HMGCLL1: variants seen among roughly 807,000 people sequenced by gnomAD.
The protein encoded by HMGCLL1 is 3-hydroxy-3-methylglutaryl-CoA lyase like 1, also known as 3-hydroxymethyl-3-methylglutaryl-CoA lyase, cytoplasmic.
A neutral mutation model predicts 39.1 loss-of-function variants in HMGCLL1; 36 were observed. That is an observed-to-expected ratio of 0.92 (90% CI 0.71 to 1.22). The LOEUF (loss-of-function observed/expected upper bound fraction) is 1.22. Ranked by LOEUF, HMGCLL1 falls within the 50% of genes most tolerant of loss-of-function variation. The pLI, the probability that HMGCLL1 is intolerant of heterozygous loss-of-function variation, is 0.00. For missense variants in HMGCLL1, 451 were observed against 416.5 expected (o/e 1.08, Z -0.72); for synonymous variants, 149 against 144.0 (o/e 1.03, Z -0.25).
upstream of HMGCLL1, among the ~76,000 whole-genome samples, chr6:55,581,162 T>A (rs1177944097): frequency 6.6e-6 from 1 of 151,890 alleles, no homozygotes; most frequent in Non-Finnish European, 1.5e-5. Flanking sequence ...TATGATATGA[T>A]CTTCTGCTAC....
At chr6:55,655,059 T>C in the HMGCLL1 span, among the ~76,000 whole-genome samples, 1 of 151,936 alleles carries the variant, frequency 6.6e-6, no homozygotes, top group Non-Finnish European at 1.5e-5. Flanking sequence ...ATTAGCCATA[T>C]TATAAATGTT....
intron 1 of HMGCLL1, among the ~76,000 whole-genome samples, chr6:55,573,485 T>C (rs72988014): frequency 0.086 from 13,039 of 152,198 alleles, 772 homozygotes; most frequent in Non-Finnish European, 0.13. Flanking sequence ...GGCAGAGAAC[T>C]GAAGCCTATC....
At chr6:55,610,775 C>A in the HMGCLL1 span, among the ~76,000 whole-genome samples, 2 of 152,076 alleles carry the variant, frequency 1.3e-5, no homozygotes, top group Non-Finnish European at 2.9e-5. Flanking sequence ...ATTTTAAGGG[C>A]AGCCAAAGAG....
chr6:55,665,189 C>T, the HMGCLL1 span, among the ~76,000 whole-genome samples: 4 of 151,532 alleles, frequency 2.6e-5, no homozygotes, highest in African/African-American at 9.7e-5. Flanking sequence ...ATATGTATCT[C>T]GATAATGCAA....
At chr6:55,608,218 A>C in the HMGCLL1 span, among the ~76,000 whole-genome samples, 1 of 152,306 alleles carries the variant, frequency 6.6e-6, no homozygotes, top group African/African-American at 2.4e-5. Flanking sequence ...CAAAAGTCTC[A>C]TGATGTGTCC....
At chr6:55,501,588 C>A (rs1766894075) in intron 5 of HMGCLL1, among the ~76,000 whole-genome samples, 1 of 151,864 alleles carries the variant, frequency 6.6e-6, no homozygotes, top group Non-Finnish European at 1.5e-5. Context: ...GACTTCTGCT[C>A]TTCTCCAACA....
At chr6:55,459,490 C>A (rs531743826) in intron 7 of HMGCLL1, among the ~76,000 whole-genome samples, 1 of 151,928 alleles carries the variant, frequency 6.6e-6, no homozygotes, top group Non-Finnish European at 1.5e-5. Context: ...ATATAAATAA[C>A]GTCAATGACA....
chr6:55,541,762 C>T lies in HMGCLL1; in HGVS notation c.264G>A (p.Val88=), dbSNP rs776261820. Reference sequence around the variant, plus strand: ...CCCATCTGGAAGACACAAAGCTAGTCACTTCTATTACAGACAAGCCAGTTT... The same window carrying T: ...CCCATCTGGAAGACACAAAGCTAGTTACTTCTATTACAGACAAGCCAGTTT... The part of the protein sequence containing the change: ...LSQTGLSVIE[V]TSFVSSRWVP... The change falls in exon 3 of 9, where the codon GTG becomes GTA. Residue 88 remains valine (V), a synonymous_variant. Transcript: ENST00000274901. The T allele has an allele frequency of 6.2e-7, 1 of 1,606,428 alleles. No individual in the cohort carries two copies. The highest frequency in any genetic ancestry group is 8.5e-7 in the Non-Finnish European group (1 of 1,175,640).
At chr6:55,659,497 G>C in the HMGCLL1 span, among the ~76,000 whole-genome samples, 1 of 151,826 alleles carries the variant, frequency 6.6e-6, no homozygotes, top group East Asian at 1.9e-4. Flanking sequence ...GAAAATAACT[G>C]GCATAATTGG....
At chr6:55,578,244 T>C (rs950395692) in intron 1 of HMGCLL1, among the ~76,000 whole-genome samples, 1 of 152,222 alleles carries the variant, frequency 6.6e-6, no homozygotes, top group African/African-American at 2.4e-5. Flanking sequence ...TGTGGAATTT[T>C]AGATTTTCAA....
the HMGCLL1 span, among the ~76,000 whole-genome samples, chr6:55,593,221 G>C: frequency 3.9e-5 from 6 of 152,210 alleles, no homozygotes; most frequent in South Asian, 1.2e-3. Flanking sequence ...ATATTCATGA[G>C]TATGAGACCC....
intron 7 of HMGCLL1, among the ~76,000 whole-genome samples, chr6:55,442,311 T>A (rs1763634220): frequency 6.6e-6 from 1 of 152,158 alleles, no homozygotes; most frequent in South Asian, 2.1e-4. Context: ...TCTCATTTAT[T>A]TACTTATTCT....
At chr6:55,491,722 T>C (rs1341551361) in intron 7 of HMGCLL1, among the ~76,000 whole-genome samples, 1 of 152,126 alleles carries the variant, frequency 6.6e-6, no homozygotes, top group Non-Finnish European at 1.5e-5. Flanking sequence ...TCAGATAAGT[T>C]TATTGGGCCA....
chr6:55,523,468 C>G (rs918839856), intron 3 of HMGCLL1, among the ~76,000 whole-genome samples: 2 of 151,906 alleles, frequency 1.3e-5, no homozygotes, highest in Non-Finnish European at 2.9e-5. Flanking sequence ...CAGCGGTTCT[C>G]CTGCAATGGT....
At chr6:55,564,471 A>G (rs1257995545) in intron 1 of HMGCLL1, among the ~76,000 whole-genome samples, 1 of 152,044 alleles carries the variant, frequency 6.6e-6, no homozygotes, top group Non-Finnish European at 1.5e-5. Flanking sequence ...TACATGTGCC[A>G]TGTTGGTGTT....
At chr6:55,623,775 T>C in the HMGCLL1 span, among the ~76,000 whole-genome samples, 1 of 151,824 alleles carries the variant, frequency 6.6e-6, no homozygotes, top group South Asian at 2.1e-4. Context: ...TATGTGCATA[T>C]GTATATACAC....
intron 5 of HMGCLL1, chr6:55,512,321 G>A (rs1767506597): frequency 6.6e-6 from 1 of 152,046 alleles, no homozygotes; most frequent in Admixed American, 6.6e-5. Context: ...ACATATTGAA[G>A]TAGAATAGGG....
intron 5 of HMGCLL1, among the ~76,000 whole-genome samples, chr6:55,503,856 G>C (rs989040724): frequency 1.3e-5 from 2 of 151,604 alleles, no homozygotes; most frequent in Non-Finnish European, 3.0e-5. Flanking sequence ...TTCCCCTCTA[G>C]CTTCTGTGGC....
chr6:55,486,339 C>T (rs1459523373), intron 7 of HMGCLL1, among the ~76,000 whole-genome samples: 1 of 151,958 alleles, frequency 6.6e-6, no homozygotes, highest in Non-Finnish European at 1.5e-5. Context: ...ATATAGGTTT[C>T]ATAGTACACA....
Sources: gnomAD v4.1 joint callset for allele counts (sites outside exome capture counted in the v4.1 genomes callset) on GRCh38, gnomAD v4.1.1 for gene constraint, MANE v1.5 for transcripts, NCBI Gene and HGNC (gene_info 2026-07-23, HGNC 2026-07-21) for gene names.